Variants in RNF6 observed in about 807,000 individuals in gnomAD.
RNF6 encodes the protein E3 ubiquitin-protein ligase RNF6.
In RNF6, 21 loss-of-function variants were observed where a neutral mutation model predicts 50.1. The ratio of observed to expected loss-of-function variants is 0.42; its 90% CI spans 0.30 to 0.60. The LOEUF (loss-of-function observed/expected upper bound fraction) is 0.60. Ranked by LOEUF, RNF6 falls within the 20% of genes least tolerant of loss-of-function variation. RNF6 has a pLI of 0.20. For missense variants in RNF6, 698 were observed against 838.2 expected (o/e 0.83, Z 2.07); for synonymous variants, 255 against 291.8 (o/e 0.87, Z 1.29).
chr13:26,201,754 G>C (rs974653066), intron 5 of RNF6, among the ~76,000 whole-genome samples: 3 of 152,152 alleles, frequency 2.0e-5, no homozygotes, highest in Non-Finnish European at 4.4e-5. Flanking sequence ...TTTTGCTCAA[G>C]AGTAGCATAA....
chr13:26,185,579 T>C (rs1873478357), intron 5 of RNF6, among the ~76,000 whole-genome samples: 1 of 152,076 alleles, frequency 6.6e-6, no homozygotes, highest in African/African-American at 2.4e-5. Context: ...ACCCCGTCTC[T>C]ACTAAAAATA....
intron 5 of RNF6, among the ~76,000 whole-genome samples, chr13:26,193,650 G>C (rs896990596): frequency 3.3e-5 from 5 of 151,480 alleles, no homozygotes; most frequent in African/African-American, 1.2e-4. Context: ...GGGTAAGGTA[G>C]TTGGAAGGGT....
intron 5 of RNF6, among the ~76,000 whole-genome samples, chr13:26,141,643 T>C (rs1356981202): frequency 6.6e-6 from 1 of 152,082 alleles, no homozygotes; most frequent in South Asian, 2.1e-4. Context: ...GAACTCTCTA[T>C]TCAGTAAGTG....
intron 5 of RNF6, chr13:26,142,265 C>A (rs1870997664): frequency 6.6e-6 from 1 of 152,090 alleles, no homozygotes; most frequent in African/African-American, 2.4e-5. Context: ...AGGGAACACA[C>A]TTATACACTG....
chr13:26,147,062 C>T (rs1054380836), intron 5 of RNF6, among the ~76,000 whole-genome samples: 2 of 152,192 alleles, frequency 1.3e-5, no homozygotes, highest in South Asian at 2.1e-4. Context: ...TGTCTTTACA[C>T]CAATGTGAGA....
chr13:26,218,756 C>A, intron 3 of RNF6, 150 bp from the exon 4 acceptor site: 1 of 568,720 alleles, frequency 1.8e-6, no homozygotes, highest in Non-Finnish European at 3.1e-6. Flanking sequence ...TAAAAATATT[C>A]AACTGGTACA....
intron 5 of RNF6, among the ~76,000 whole-genome samples, chr13:26,140,310 C>T (rs1303255366): frequency 6.6e-6 from 1 of 152,098 alleles, no homozygotes; most frequent in East Asian, 1.9e-4. Flanking sequence ...CCTCCAGAAT[C>T]ACAGCAGACT....
At chr13:26,188,988 C>G (rs1873692813) in intron 5 of RNF6, among the ~76,000 whole-genome samples, 1 of 152,124 alleles carries the variant, frequency 6.6e-6, no homozygotes, top group East Asian at 1.9e-4. Context: ...AAGGCTTACA[C>G]TCCCATGAAG....
At chr13:26,186,694 G>T (rs1303169003) in intron 5 of RNF6, among the ~76,000 whole-genome samples, 1 of 152,154 alleles carries the variant, frequency 6.6e-6, no homozygotes, top group Admixed American at 6.5e-5. Flanking sequence ...GCGTTCCTTC[G>T]CTGTGCTGAC....
intron 5 of RNF6, among the ~76,000 whole-genome samples, chr13:26,139,332 C>T (rs1461114470): frequency 6.6e-6 from 1 of 152,136 alleles, no homozygotes; most frequent in African/African-American, 2.4e-5. Context: ...CCTGCCTTGC[C>T]TTTTTTATGG....
chr13:26,154,340 T>C (rs928235424), intron 5 of RNF6, among the ~76,000 whole-genome samples: 2 of 152,258 alleles, frequency 1.3e-5, no homozygotes, highest in African/African-American at 4.8e-5. Context: ...TTGAAAGTAC[T>C]GACTGTTATC....
At chr13:26,172,664 C>T (rs546568292) in intron 5 of RNF6, among the ~76,000 whole-genome samples, 1 of 152,132 alleles carries the variant, frequency 6.6e-6, no homozygotes, top group Non-Finnish European at 1.5e-5. Flanking sequence ...CTGCCTCAGC[C>T]TCCCGAGTAG....
chr13:26,177,885 G>A (rs2137650286), intron 5 of RNF6, among the ~76,000 whole-genome samples: 1 of 152,250 alleles, frequency 6.6e-6, no homozygotes, highest in African/African-American at 2.4e-5. Flanking sequence ...GTGTCACTCT[G>A]CTTAAAAACA....
At chr13:26,173,893 G>T (rs1050764212) in intron 5 of RNF6, among the ~76,000 whole-genome samples, 1 of 147,098 alleles carries the variant, frequency 6.8e-6, no homozygotes, top group Non-Finnish European at 1.5e-5. Flanking sequence ...AGAGGTTGCA[G>T]TGAGCCAGGA....
At chr13:26,189,800 T>C (rs1453560688) in intron 5 of RNF6, among the ~76,000 whole-genome samples, 1 of 152,220 alleles carries the variant, frequency 6.6e-6, no homozygotes, top group Non-Finnish European at 1.5e-5. Flanking sequence ...CTGCTCAATT[T>C]TGCTGTAACC....
chr13:26,184,057 C>T (rs1873395425), intron 5 of RNF6, among the ~76,000 whole-genome samples: 1 of 116,600 alleles, frequency 8.6e-6, no homozygotes, highest in African/African-American at 3.6e-5. Flanking sequence ...GACAGAGTCT[C>T]GCTCTGTTGC....
chr13:26,147,120 TTA>T (rs1871290761), intron 5 of RNF6, among the ~76,000 whole-genome samples: 1 of 152,128 alleles, frequency 6.6e-6, no homozygotes, highest in Non-Finnish European at 1.5e-5. Context: ...TGATTCAACT[TTA>T]TGTTTCTCCC....
intron 5 of RNF6, among the ~76,000 whole-genome samples, chr13:26,158,124 G>C (rs7332725): frequency 0.73 from 111,795 of 152,122 alleles, 41,283 homozygotes; most frequent in East Asian, 0.83. Flanking sequence ...CTCCAGGAAG[G>C]TAGGAGAGAG....
intron 4 of RNF6, among the ~76,000 whole-genome samples, chr13:26,216,228 T>A (rs75626353): frequency 0.023 from 3,451 of 152,202 alleles, 105 homozygotes; most frequent in South Asian, 0.081. Flanking sequence ...TAAACTGGAG[T>A]TAATAATAGA....
Sources: allele counts gnomAD v4.1 joint callset (sites outside exome capture counted in the v4.1 genomes callset), GRCh38; gene constraint gnomAD v4.1.1; transcripts MANE v1.5; gene names NCBI Gene and HGNC (gene_info 2026-07-23, HGNC 2026-07-21).